The following YAP1 variants were observed in gnomAD, a reference collection of about 807,000 sequenced individuals.
The protein encoded by YAP1 is Yes1 associated transcriptional regulator.
A neutral mutation model predicts 56.9 loss-of-function variants in YAP1; 5 were observed. The ratio of observed to expected loss-of-function variants is 0.09; its 90% CI spans 0.05 to 0.18. The LOEUF is 0.18. Ranked by LOEUF, YAP1 falls within the 10% of genes least tolerant of loss-of-function variation. The pLI is 1.00. For missense variants in YAP1, 539 were observed against 651.8 expected (o/e 0.83, Z 1.88); for synonymous variants, 265 against 248.1 (o/e 1.07, Z -0.64).
chr11:102,209,338 G>A (rs1949279208), intron 5 of YAP1, among the ~76,000 whole-genome samples, 179 bp from the exon 6 acceptor site: 1 of 152,062 alleles, frequency 6.6e-6, no homozygotes, highest in Admixed American at 6.6e-5. Flanking sequence ...AACTTCTGAG[G>A]TTCCAGTTTT....
intron 4 of YAP1, among the ~76,000 whole-genome samples, chr11:102,196,908 TTAAAA>T (rs1372504139): frequency 3.9e-5 from 6 of 152,318 alleles, no homozygotes; most frequent in African/African-American, 1.2e-4. Context: ...TCAGTGTGAA[TTAAAA>T]TAAGCAATTT....
intron 2 of YAP1, among the ~76,000 whole-genome samples, chr11:102,116,272 A>T (rs773008246): frequency 6.6e-6 from 1 of 152,206 alleles, no homozygotes; most frequent in Non-Finnish European, 1.5e-5. Context: ...TGTATTAAGT[A>T]TTATAAGTAA....
chr11:102,195,285 T>TTTTC (rs1389650181), intron 4 of YAP1, among the ~76,000 whole-genome samples: 1 of 152,194 alleles, frequency 6.6e-6, no homozygotes, highest in African/African-American at 2.4e-5. Flanking sequence ...TTTCTTTTTG[T>TTTTC]TTTCTTTTAG....
chr11:102,175,407 A>T (rs1288315893), intron 3 of YAP1, among the ~76,000 whole-genome samples: 1 of 151,976 alleles, frequency 6.6e-6, no homozygotes, highest in East Asian at 1.9e-4. Context: ...CTCAAAAAAA[A>T]ACTTATTTCT....
intron 4 of YAP1, among the ~76,000 whole-genome samples, chr11:102,197,292 T>C (rs1948620616): frequency 6.6e-6 from 1 of 152,204 alleles, no homozygotes; most frequent in African/African-American, 2.4e-5. Context: ...GTGGGAGATT[T>C]GATGTAATGT....
intron 6 of YAP1, among the ~76,000 whole-genome samples, chr11:102,218,474 T>C (rs891360671): frequency 5.3e-5 from 8 of 152,230 alleles, no homozygotes; most frequent in Non-Finnish European, 1.0e-4. Flanking sequence ...AGACACAGCC[T>C]TCCATTTTTC....
At chr11:102,209,250 C>G (rs569175682) in intron 5 of YAP1, among the ~76,000 whole-genome samples, 3 of 152,240 alleles carry the variant, frequency 2.0e-5, no homozygotes, top group Admixed American at 1.3e-4. Context: ...AAACAAAGAA[C>G]CTACGTGACC....
intron 3 of YAP1, among the ~76,000 whole-genome samples, chr11:102,177,370 A>G (rs1222129652): frequency 2.6e-5 from 4 of 152,206 alleles, no homozygotes; most frequent in Admixed American, 2.0e-4. Flanking sequence ...GCTGTGGTAC[A>G]TACAAAGTTT....
At chr11:102,180,216 C>A (rs1947507628) in intron 3 of YAP1, among the ~76,000 whole-genome samples, 2 of 151,838 alleles carry the variant, frequency 1.3e-5, no homozygotes, top group Non-Finnish European at 2.9e-5. Flanking sequence ...ACCATGTCAC[C>A]ATGTTGGCCA....
chr11:102,175,392 C>T (rs1009924048), intron 3 of YAP1, among the ~76,000 whole-genome samples: 2 of 151,726 alleles, frequency 1.3e-5, no homozygotes, highest in African/African-American at 4.8e-5. Context: ...AGAGCGAGAC[C>T]TCGTCTCAAA....
At chr11:102,180,543 A>T (rs1413280795) in intron 3 of YAP1, among the ~76,000 whole-genome samples, 2 of 151,440 alleles carry the variant, frequency 1.3e-5, no homozygotes, top group Admixed American at 1.3e-4. Flanking sequence ...TTAGCCAGGC[A>T]TGGTGGCGGG....
intron 4 of YAP1, among the ~76,000 whole-genome samples, chr11:102,194,791 T>C (rs1364356759): frequency 6.6e-6 from 1 of 152,192 alleles, no homozygotes; most frequent in Non-Finnish European, 1.5e-5. Context: ...TTATAAATTA[T>C]CCTCTGTGAA....
intron 3 of YAP1, among the ~76,000 whole-genome samples, chr11:102,167,628 G>A (rs777548116): frequency 5.3e-5 from 8 of 152,162 alleles, no homozygotes; most frequent in East Asian, 3.9e-4. Context: ...CAGTGACTCC[G>A]GAGGCTGAGG....
At chr11:102,187,881 T>G (rs1197023572) in intron 4 of YAP1, among the ~76,000 whole-genome samples, 1 of 152,240 alleles carries the variant, frequency 6.6e-6, no homozygotes, top group East Asian at 1.9e-4. Context: ...TAAAATTCTC[T>G]TATTGCATTT....
intron 2 of YAP1, among the ~76,000 whole-genome samples, chr11:102,144,334 A>ACTCC (rs1945196087): frequency 6.6e-6 from 1 of 152,222 alleles, no homozygotes; most frequent in African/African-American, 2.4e-5. Context: ...AGTAAAGTAC[A>ACTCC]TATTCAATTG....
rs559403675 is a variant in YAP1, at chr11:102,161,444, A to G, written c.573-1012A>G. ...TTTATAACCTATTTTTAAAAACTGT[A>G]TTATTAATATTTTTTCATATTATAT... is the stretch of plus-strand genomic sequence containing the variant. On this transcript the variant is annotated intron_variant, in intron 2 of 8. Transcript: ENST00000282441. 9.2e-5 allele frequency among the ~76,000 whole-genome samples: 14 copies of G among 151,834 alleles called. 1 individual carries two copies. In the South Asian group the frequency reaches 1.5e-3, roughly 16 times the overall value.
chr11:102,202,143 G>A (rs547752515), intron 4 of YAP1, among the ~76,000 whole-genome samples: 2 of 151,952 alleles, frequency 1.3e-5, no homozygotes, highest in East Asian at 1.9e-4. Context: ...GCTCCAGGTA[G>A]CAGAGTATCA....
intron 1 of YAP1, among the ~76,000 whole-genome samples, chr11:102,113,290 CTG>C (rs1370832208): frequency 2.0e-5 from 3 of 152,274 alleles, no homozygotes; most frequent in Admixed American, 6.5e-5. Context: ...AAACTGGTGA[CTG>C]TAAGTTCTTT....
At chr11:102,140,227 A>G (rs951949989) in intron 2 of YAP1, among the ~76,000 whole-genome samples, 1 of 152,128 alleles carries the variant, frequency 6.6e-6, no homozygotes, top group Non-Finnish European at 1.5e-5. Context: ...TTGTTCTGGA[A>G]AAAATTCAAT....
Sources: allele counts gnomAD v4.1 joint callset (sites outside exome capture counted in the v4.1 genomes callset), GRCh38; gene constraint gnomAD v4.1.1; transcripts MANE v1.5; gene names NCBI Gene and HGNC (gene_info 2026-07-23, HGNC 2026-07-21).